Variants in AFF2 observed in about 807,000 individuals in gnomAD.
AFF2 encodes the protein ALF transcription elongation factor 2, also known as AF4/FMR2 family member 2.
AFF2 carries 14 observed loss-of-function variants against 76.9 expected under a neutral mutation model. The observed-to-expected ratio is 0.18, with a 90% CI of 0.12 to 0.28. The LOEUF (loss-of-function observed/expected upper bound fraction) is 0.28, where lower values mean the gene tolerates loss of function less well. AFF2 is among the 10% of genes least tolerant of loss of function. AFF2 has a pLI of 1.00. For missense variants in AFF2, 868 were observed against 1,001.1 expected (o/e 0.87, Z 1.79); for synonymous variants, 398 against 366.7 (o/e 1.09, Z -0.98).
At chrX:148,809,819 A>G (rs2070181023) in intron 3 of AFF2, 57 bp from the exon 4 acceptor site, 6 of 1,127,063 alleles carry the variant, frequency 5.3e-6, no homozygotes, top group East Asian at 3.0e-5. Context: ...AGAGTAAACT[A>G]TTATACAAGA....
At chrX:148,573,343 T>G (rs1326756667) in intron 1 of AFF2, among the ~76,000 whole-genome samples, 1 of 110,933 alleles carries the variant, frequency 9.0e-6, no homozygotes, top group Non-Finnish European at 1.9e-5. Flanking sequence ...AGAAGAAACA[T>G]GCAATGAGTG....
intron 1 of AFF2, among the ~76,000 whole-genome samples, chrX:148,505,111 G>A (rs781796315): frequency 2.7e-5 from 3 of 111,955 alleles, no homozygotes; most frequent in Non-Finnish European, 5.6e-5. Flanking sequence ...CCTATGGTCT[G>A]TTTTCTTTGC....
At chrX:148,550,512 C>G (rs1270388075) in intron 1 of AFF2, among the ~76,000 whole-genome samples, 1 of 111,638 alleles carries the variant, frequency 9.0e-6, no homozygotes, top group Non-Finnish European at 1.9e-5. Context: ...AAGACACAAG[C>G]ATGTATCAAA....
At chrX:148,614,723 T>TTCTTTC (rs1417465762) in intron 1 of AFF2, among the ~76,000 whole-genome samples, 3 of 85,775 alleles carry the variant, frequency 3.5e-5, no homozygotes, top group African/African-American at 1.3e-4. Flanking sequence ...CTTTCTTTCT[T>TTCTTTC]TCTTTCTTTC....
intron 4 of AFF2, among the ~76,000 whole-genome samples, chrX:148,825,039 C>T (rs1300274200): frequency 9.0e-6 from 1 of 110,722 alleles, no homozygotes; most frequent in Non-Finnish European, 1.9e-5. Context: ...AGAGTGAGAC[C>T]TCATCTCTAA....
chrX:148,676,625 A>G (rs906417807), intron 3 of AFF2, among the ~76,000 whole-genome samples: 8 of 112,200 alleles, frequency 7.1e-5, no homozygotes, highest in African/African-American at 2.6e-4. Context: ...CAGACAAAGA[A>G]TAGCTATCTG....
chrX:148,711,232 A>C (rs1177002680), intron 3 of AFF2, among the ~76,000 whole-genome samples: 1 of 111,942 alleles, frequency 8.9e-6, no homozygotes, highest in East Asian at 2.8e-4. Context: ...CTCTGGAAAA[A>C]AAATCATTTT....
chrX:148,863,272 T>C (rs2070870434), intron 7 of AFF2, among the ~76,000 whole-genome samples: 2 of 111,815 alleles, frequency 1.8e-5, no homozygotes, highest in African/African-American at 6.5e-5. Flanking sequence ...AACTTGACAA[T>C]AGAAGAACTA....
At chrX:148,788,395 G>C (rs1402656350) in intron 3 of AFF2, among the ~76,000 whole-genome samples, 1 of 111,885 alleles carries the variant, frequency 8.9e-6, no homozygotes, top group African/African-American at 3.2e-5. Context: ...CACGTATCAA[G>C]AACATATGTC....
chrX:148,728,871 A>G (rs2055189719), intron 3 of AFF2, among the ~76,000 whole-genome samples: 1 of 112,384 alleles, frequency 8.9e-6, no homozygotes, highest in African/African-American at 3.2e-5. Context: ...CCTGCTTAGG[A>G]ATGAAGACTG....
chrX:148,510,165 T>C (rs1341854871), intron 1 of AFF2, among the ~76,000 whole-genome samples: 1 of 111,972 alleles, frequency 8.9e-6, no homozygotes, highest in Non-Finnish European at 1.9e-5. Flanking sequence ...CAGTTCAGAG[T>C]GCAGCATCAT....
intron 4 of AFF2, among the ~76,000 whole-genome samples, chrX:148,811,133 A>G (rs1557271765): frequency 9.0e-6 from 1 of 111,522 alleles, no homozygotes; most frequent in Non-Finnish European, 1.9e-5. Flanking sequence ...GGATTAGGGC[A>G]GGGGTTCCCA....
intron 5 of AFF2, among the ~76,000 whole-genome samples, chrX:148,838,237 G>T (rs1259070960): frequency 6.2e-5 from 7 of 112,188 alleles, no homozygotes; most frequent in Non-Finnish European, 9.4e-5. Context: ...CTCTCAGCAA[G>T]AGTTGCTTTA....
intron 19 of AFF2, among the ~76,000 whole-genome samples, chrX:148,986,542 TC>T (rs2072474402): frequency 8.9e-6 from 1 of 112,963 alleles, no homozygotes; most frequent in Non-Finnish European, 1.9e-5. Context: ...TTTTTATAAA[TC>T]AGCATGCAGG....
At chrX:148,818,948 G>T (rs1207690583) in intron 4 of AFF2, among the ~76,000 whole-genome samples, 3 of 111,138 alleles carry the variant, frequency 2.7e-5, no homozygotes, top group Non-Finnish European at 5.7e-5. Context: ...TGGTTATGAA[G>T]CAGCTAACAC....
At chrX:148,554,434 T>G in intron 1 of AFF2, among the ~76,000 whole-genome samples, 1 of 111,699 alleles carries the variant, frequency 9.0e-6, no homozygotes, top group Admixed American at 9.5e-5. Context: ...GTGAGAGGTT[T>G]AAATCAAGTT....
In AFF2 at chrX:148,525,607, G is replaced by A. The variant is rs191181346; in HGVS notation, c.47+24463G>A. Among the ~76,000 whole-genome samples, 5 of 111,620 alleles carry A rather than the reference G, an allele frequency of 4.5e-5. No individual in the cohort carries two copies. The Admixed American group carries it at 4.8e-4, about 11-fold the overall frequency. On this transcript the variant is annotated intron_variant, in intron 1 of 20. Coordinates refer to ENST00000370460, the MANE Select transcript of AFF2 (RefSeq NM_002025.4). Reference sequence around the variant, plus strand: ...TAGATTTCAACACTATCTATCTATAGATAAAGCTATAAATAGATGAATATT... The same window carrying A: ...TAGATTTCAACACTATCTATCTATAAATAAAGCTATAAATAGATGAATATT...
intron 3 of AFF2, among the ~76,000 whole-genome samples, chrX:148,725,978 G>A (rs1263154243): frequency 1.8e-5 from 2 of 111,699 alleles, no homozygotes; most frequent in Non-Finnish European, 3.8e-5. Flanking sequence ...ATTTCCATGT[G>A]GCGATTGTTT....
At position 148,515,684 on chromosome X, in the gene AFF2, A is replaced by C. The variant is rs182064570; in HGVS notation, c.47+14540A>C. Among the ~76,000 whole-genome samples, 46 of 112,355 alleles carry C rather than the reference A, an allele frequency of 4.1e-4. No homozygotes were observed. The East Asian group carries it at 5.1e-3, about 12-fold the overall frequency. On this transcript the variant is annotated intron_variant, in intron 1 of 20. Transcript: ENST00000370460. Reference sequence around the variant, plus strand: ...GTGTGAACTAATTTCAGTGGTGTGCAGGCAAAATGGTGAATGCAGCTATGG... The same window carrying C: ...GTGTGAACTAATTTCAGTGGTGTGCCGGCAAAATGGTGAATGCAGCTATGG...
Sources: allele counts gnomAD v4.1 joint callset (sites outside exome capture counted in the v4.1 genomes callset), GRCh38; gene constraint gnomAD v4.1.1; transcripts MANE v1.5; gene names NCBI Gene and HGNC (gene_info 2026-07-23, HGNC 2026-07-21).